CACNA1B: variants seen among roughly 807,000 people sequenced by gnomAD.
CACNA1B encodes voltage-dependent N-type calcium channel subunit alpha-1B.
In CACNA1B, 70 loss-of-function variants were observed where a neutral mutation model predicts 247.2. The observed-to-expected ratio is 0.28, with a 90% confidence interval of 0.23 to 0.35. The LOEUF is 0.35. CACNA1B is among the 10% of genes least tolerant of loss of function. The probability of loss-of-function intolerance (pLI) is 1.00; values close to 1 mark genes in which losing one functional copy is unlikely to be tolerated. For missense variants in CACNA1B, 2,367 were observed against 3,197.4 expected, an observed-to-expected ratio of 0.74 and a Z score of 6.26; for synonymous variants, 1,231 against 1,294.4, an observed-to-expected ratio of 0.95 and a Z score of 1.05.
At chr9:137,956,167 G>GTTTCCT (rs1957944981) in intron 8 of CACNA1B, among the ~76,000 whole-genome samples, 1 of 152,258 alleles carries the variant, frequency 6.6e-6, no homozygotes, top group African/African-American at 2.4e-5. Flanking sequence ...CTCCACATGG[G>GTTTCCT]GCATCCACTC....
At position 137,971,704 on chromosome 9, in the gene CACNA1B, G is replaced by A; in HGVS notation, c.1543+112G>A. The A allele has an allele frequency of 1.2e-6, 1 of 837,756 alleles. No homozygotes were observed. Among genetic ancestry groups the A allele is most frequent in the Non-Finnish European group, 1.9e-6 (1 of 527,614 alleles). 51.9% of individuals were successfully genotyped at this position (837,756 alleles called of 1,614,324 possible). ...CAGGTGGGACGGGACCCACCCCCATGTTGCTCAAAGTATCCCACAGCCCTA... is the reference window on the plus strand; with the variant it reads ...CAGGTGGGACGGGACCCACCCCCATATTGCTCAAAGTATCCCACAGCCCTA... On this transcript the variant is annotated intron_variant, in intron 11 of 46. Transcript: ENST00000371372. The surrounding 1 kb of genome is among the most constrained non-coding windows in gnomAD (Gnocchi z 4.4).
chr9:138,076,162 G>C (rs1003661264), intron 35 of CACNA1B, among the ~76,000 whole-genome samples: 3 of 152,186 alleles, frequency 2.0e-5, no homozygotes, highest in Non-Finnish European at 4.4e-5. Flanking sequence ...TGGGAGCCCT[G>C]GGCCAGGCCG....
chr9:137,991,754 A>G (rs1958434224), intron 15 of CACNA1B, among the ~76,000 whole-genome samples: 1 of 152,258 alleles, frequency 6.6e-6, no homozygotes, highest in Admixed American at 6.5e-5. Flanking sequence ...AAACCCTACA[A>G]GCCAGAAGAG....
At chr9:137,980,246 A>G (rs1018115865) in intron 12 of CACNA1B, among the ~76,000 whole-genome samples, 4 of 152,156 alleles carry the variant, frequency 2.6e-5, no homozygotes, top group Non-Finnish European at 5.9e-5. Context: ...TTATTATTAG[A>G]AAAAAGCTCT....
At chr9:138,061,488 T>G (rs1214670331) in intron 31 of CACNA1B, among the ~76,000 whole-genome samples, 1 of 152,170 alleles carries the variant, frequency 6.6e-6, no homozygotes, top group East Asian at 1.9e-4. Context: ...CATCTTGAAA[T>G]ATGGCACCCC....
rs921668363 is a variant in CACNA1B, at chr9:138,050,165, G to A, written c.3710+850G>A. The A allele has an allele frequency of 1.9e-6, 2 of 1,055,196 alleles. No homozygotes were observed. Among genetic ancestry groups the A allele is most frequent in the Middle Eastern group, 2.6e-4 (1 of 3,816 alleles). The allele number at this position is 1,055,196 out of a possible 1,614,324, so 65.4% of individuals were successfully genotyped here. A position where few individuals can be genotyped will look rare whatever the true frequency, so the allele number is the denominator to read the frequency against. ...CCCCTCTTGGGTCATTTCATCTCCA[G>A]CCTCACCCCCCGCCCATCCACTTTC... On this transcript the variant is annotated intron_variant, in intron 24 of 46. Coordinates refer to ENST00000371372, the MANE Select transcript of CACNA1B (RefSeq NM_000718.4). This position sits in a 1 kb window ranked among gnomAD's most constrained non-coding sequence, Gnocchi z 5.2.
At position 138,100,762 on chromosome 9, in the gene CACNA1B, T is replaced by C. The variant is rs961945415; in HGVS notation, c.5223-1949T>C. On this transcript the variant is annotated intron_variant, in intron 37 of 46. Transcript: ENST00000371372. The surrounding 1 kb of genome is among the most constrained non-coding windows in gnomAD (Gnocchi z 4.6). Reference sequence around the variant, plus strand: ...AAGCAGACCTGCCTTGCTGTGGTGGTGAGAAAGCCAGGCGTCAGAGGGTTT... The same window carrying C: ...AAGCAGACCTGCCTTGCTGTGGTGGCGAGAAAGCCAGGCGTCAGAGGGTTT... 1.3e-5 allele frequency among the ~76,000 whole-genome samples: 2 copies of C among 151,930 alleles called. No individual in the cohort carries two copies. The highest frequency in any genetic ancestry group is 2.9e-5 in the Non-Finnish European group (2 of 67,982).
chr9:137,989,785 C>T (rs1224576282), intron 15 of CACNA1B, among the ~76,000 whole-genome samples: 1 of 152,024 alleles, frequency 6.6e-6, no homozygotes, highest in Non-Finnish European at 1.5e-5. Flanking sequence ...CATTTGAAAG[C>T]ACGACAAAAG....
intron 20 of CACNA1B, among the ~76,000 whole-genome samples, chr9:138,039,652 TAACTTAAGTTAG>T (rs1959092444): frequency 6.6e-6 from 1 of 152,204 alleles, no homozygotes; most frequent in Non-Finnish European, 1.5e-5. Flanking sequence ...CCTTAATTTC[TAACTTAAGTTAG>T]AACTTAAGTT....
At position 138,023,247 on chromosome 9, in the gene CACNA1B, G is replaced by T. The variant is rs542109065; in HGVS notation, c.2504G>T (p.Arg835Leu). The change falls in exon 19 of 47, where the codon CGA (arginine) becomes CTA (leucine). Residue 835 changes from arginine (R) to leucine (L), a missense_variant. Arg to Leu is a moderately radical substitution (Grantham distance 102). Transcript: ENST00000371372. ...GARGPVGGKA[R>L]PEAAEAPEGV... ...CGGGGGCCCGTGGGAGGCAAAGCCC[G>T]ACCTGAGGCTGCGGAGGCCCCCGAG... is the stretch of plus-strand genomic sequence containing the variant. 1 of 1,513,916 alleles carries T rather than the reference G, an allele frequency of 6.6e-7. No individual in the cohort carries two copies. The highest frequency in any genetic ancestry group is 1.2e-5 in the South Asian group (1 of 81,154). 93.8% of individuals were successfully genotyped at this position (1,513,916 alleles called of 1,614,324 possible).
At chr9:137,922,173 A>G (rs1444085304) in intron 6 of CACNA1B, among the ~76,000 whole-genome samples, 1 of 145,668 alleles carries the variant, frequency 6.9e-6, no homozygotes, top group East Asian at 2.0e-4. Flanking sequence ...CACACCGCAC[A>G]GCATCCTGGG....
chr9:137,892,527 G>A (rs1383077471), intron 3 of CACNA1B: 4 of 371,228 alleles, frequency 1.1e-5, no homozygotes, highest in African/African-American at 4.2e-5. Context: ...CCTTTCTCAC[G>A]CTTCTCTGTC....
At position 137,955,638 on chromosome 9, in the gene CACNA1B, GC is replaced by G. The variant is rs1019101818; in HGVS notation, c.1071-59del. On this transcript the variant is annotated intron_variant, in intron 7 of 46. Coordinates refer to ENST00000371372, the MANE Select transcript of CACNA1B (RefSeq NM_000718.4). The surrounding 1 kb of genome is among the most constrained non-coding windows in gnomAD (Gnocchi z 6.9). ...TTCCCTGGTCCTTTTTGTCTCTGGG[GC>G]TGCACACCTGTGGGGCTTGCACTCA... The G allele has an allele frequency of 4.1e-5, 45 of 1,106,116 alleles. No homozygotes were observed. In the African/African-American group the frequency reaches 4.5e-4, roughly 11 times the overall value. The allele number at this position is 1,106,116 out of a possible 1,614,324, so 68.5% of individuals were successfully genotyped here.
At chr9:137,930,782 A>T (rs1369513383) in intron 6 of CACNA1B, among the ~76,000 whole-genome samples, 1 of 151,924 alleles carries the variant, frequency 6.6e-6, no homozygotes, top group Non-Finnish European at 1.5e-5. Context: ...GAGTATACAC[A>T]TATTTAGACT....
intron 6 of CACNA1B, among the ~76,000 whole-genome samples, chr9:137,944,327 A>G (rs1344500554): frequency 6.6e-6 from 1 of 152,020 alleles, no homozygotes; most frequent in Non-Finnish European, 1.5e-5. Context: ...ACATGGCTGG[A>G]TTTTCTTTCT....
At chr9:137,953,729 G>T (rs996548653) in intron 7 of CACNA1B, among the ~76,000 whole-genome samples, 15 of 152,162 alleles carry the variant, frequency 9.9e-5, no homozygotes, top group African/African-American at 3.6e-4. Context: ...GAGAACAGCT[G>T]GGGTGGAGGC....
At chr9:138,083,294 C>T (rs1589118356) in intron 36 of CACNA1B, among the ~76,000 whole-genome samples, 1 of 151,062 alleles carries the variant, frequency 6.6e-6, no homozygotes, top group Non-Finnish European at 1.5e-5. Context: ...GACTGGTGGC[C>T]GACATCCCCA....
At chr9:138,032,512 A>G (rs1958999528) in intron 20 of CACNA1B, among the ~76,000 whole-genome samples, 1 of 151,462 alleles carries the variant, frequency 6.6e-6, no homozygotes, top group South Asian at 2.1e-4. Context: ...TTCTTTCATA[A>G]TTTACTTTCT....
chr9:138,033,147 G>A lies in CACNA1B; in HGVS notation c.3286+7975G>A, dbSNP rs182959490. 7.2e-5 allele frequency among the ~76,000 whole-genome samples: 11 copies of A among 152,146 alleles called. No homozygotes were observed. The East Asian group carries it at 1.9e-3, about 27-fold the overall frequency. On this transcript the variant is annotated intron_variant, in intron 20 of 46. Transcript: ENST00000371372. Reference sequence around the variant, plus strand: ...TTCCAGTTCACTGACTCTTTCCTCTGTGCCTTCCATTCTGCTGTGGAGCCC... The same window carrying A: ...TTCCAGTTCACTGACTCTTTCCTCTATGCCTTCCATTCTGCTGTGGAGCCC...
Sources: allele counts gnomAD v4.1 joint callset (sites outside exome capture counted in the v4.1 genomes callset), GRCh38; gene constraint gnomAD v4.1.1; non-coding constraint Gnocchi (gnomAD v3.1); transcripts MANE v1.5; gene names NCBI Gene and HGNC (gene_info 2026-07-23, HGNC 2026-07-21).